The following TENM2 variants were observed in gnomAD, a reference collection of about 807,000 sequenced individuals.
The protein encoded by TENM2 is teneurin-2.
In TENM2, 52 loss-of-function variants were observed where a neutral mutation model predicts 245.2. That is an observed-to-expected ratio of 0.21 (90% CI 0.17 to 0.27). The LOEUF (loss-of-function observed/expected upper bound fraction) is 0.27. Ranked by LOEUF, TENM2 falls within the 10% of genes least tolerant of loss-of-function variation. The pLI, the probability that TENM2 is intolerant of heterozygous loss-of-function variation, is 1.00. For synonymous variants in TENM2, 1,363 were observed against 1,438.9 expected, an observed-to-expected ratio of 0.95 and a Z score of 1.19; for missense variants, 3,046 against 3,666.8, an observed-to-expected ratio of 0.83 and a Z score of 4.37.
the TENM2 span, among the ~76,000 whole-genome samples, chr5:167,274,924 G>A: frequency 6.6e-6 from 1 of 151,862 alleles, no homozygotes; most frequent in Non-Finnish European, 1.5e-5. Flanking sequence ...CAGATATATG[G>A]TTTGTACATA....
intron 2 of TENM2, among the ~76,000 whole-genome samples, chr5:167,735,509 G>T (rs1295101816): frequency 6.6e-6 from 1 of 152,168 alleles, no homozygotes; most frequent in African/African-American, 2.4e-5. Context: ...CTGGACTTGT[G>T]AAAACTATTG....
At chr5:167,258,824 C>G in the TENM2 span, among the ~76,000 whole-genome samples, 98,193 of 152,040 alleles carry the variant, frequency 0.65, 33,618 homozygotes, top group Middle Eastern at 0.85. Context: ...CTTTGTTCCT[C>G]TATTTTAATA....
At chr5:167,534,263 A>G (rs1047936588) in intron 2 of TENM2, among the ~76,000 whole-genome samples, 5 of 152,208 alleles carry the variant, frequency 3.3e-5, no homozygotes, top group African/African-American at 1.2e-4. Flanking sequence ...AGGAAAAAAT[A>G]AAATAGGCGT....
In TENM2 at chr5:167,762,872, A is replaced by G. The variant is rs184621599; in HGVS notation, c.503-113114A>G. On this transcript the variant is annotated intron_variant, in intron 2 of 28. Transcript: ENST00000518659. ...AGTCCTCTACATCTTCCGCTCCAAA[A>G]GCTGCTGTCTTTGGGGCTACAGAAC... Among the ~76,000 whole-genome samples the G allele has an allele frequency of 2.8e-4, 43 of 152,342 alleles. 1 individual carries two copies. Among genetic ancestry groups the G allele is most frequent in the Admixed American group, 2.8e-3 (43 of 15,300 alleles).
At chr5:168,036,699 ATGTATGTG>A (rs1273404845) in intron 5 of TENM2, among the ~76,000 whole-genome samples, 43 of 95,096 alleles carry the variant, frequency 4.5e-4, no homozygotes, top group African/African-American at 2.1e-3. Flanking sequence ...ATATATATAT[ATGTATGTG>A]TATATATATG....
the TENM2 span, among the ~76,000 whole-genome samples, chr5:167,070,802 G>A: frequency 6.6e-6 from 1 of 152,210 alleles, no homozygotes; most frequent in South Asian, 2.1e-4. Context: ...TGTGTTCACT[G>A]ACGATGCTTG....
intron 25 of TENM2, among the ~76,000 whole-genome samples, chr5:168,243,622 A>T (rs1182444853): frequency 6.6e-6 from 1 of 152,214 alleles, no homozygotes; most frequent in Non-Finnish European, 1.5e-5. Context: ...TTAGCTTCTC[A>T]GCTAATGATG....
chr5:167,735,612 C>T (rs1349183983), intron 2 of TENM2, among the ~76,000 whole-genome samples: 1 of 152,096 alleles, frequency 6.6e-6, no homozygotes, highest in Non-Finnish European at 1.5e-5. Context: ...TCAAGACCAG[C>T]CTGGGCAACA....
At chr5:167,657,317 C>A (rs1554096610) in intron 2 of TENM2, among the ~76,000 whole-genome samples, 1 of 152,160 alleles carries the variant, frequency 6.6e-6, no homozygotes, top group Non-Finnish European at 1.5e-5. Flanking sequence ...GGATTTCATT[C>A]TTTTTTTGAG....
intron 13 of TENM2, among the ~76,000 whole-genome samples, chr5:168,188,711 T>C (rs1760692244): frequency 6.6e-6 from 1 of 152,222 alleles, no homozygotes; most frequent in Admixed American, 6.5e-5. Context: ...ACAATGGTTT[T>C]TAAATCGTAT....
chr5:167,439,866 A>T (rs571745528), intron 2 of TENM2, among the ~76,000 whole-genome samples: 1 of 152,244 alleles, frequency 6.6e-6, no homozygotes, highest in Non-Finnish European at 1.5e-5. Context: ...GAATAAAATT[A>T]TAAATCACTA....
intron 7 of TENM2, among the ~76,000 whole-genome samples, chr5:168,087,913 G>A (rs533478837): frequency 3.3e-5 from 5 of 152,114 alleles, no homozygotes; most frequent in East Asian, 1.9e-4. Flanking sequence ...CTGGCTAGCC[G>A]ATTCTTCCTT....
intron 2 of TENM2, among the ~76,000 whole-genome samples, chr5:167,405,630 C>A (rs1385765057): frequency 6.6e-6 from 1 of 151,848 alleles, no homozygotes; most frequent in Admixed American, 6.6e-5. Context: ...TGACAGTGTG[C>A]TCTGCAAAAG....
rs896882001 is a variant in TENM2, at chr5:167,922,112, T to C, written c.713-30476T>C. ...TTGTACATAAGGAGAAAAGGAAAACTGGCAAAATGGTCTTTTAGGTTCTAC... is the reference window on the plus strand; with the variant it reads ...TTGTACATAAGGAGAAAAGGAAAACCGGCAAAATGGTCTTTTAGGTTCTAC... On this transcript the variant is annotated intron_variant, in intron 3 of 28. Coordinates refer to ENST00000518659, the Ensembl canonical transcript of TENM2. 2.6e-5 allele frequency among the ~76,000 whole-genome samples: 4 copies of C among 152,186 alleles called. No individual in the cohort carries two copies. In the South Asian group the frequency reaches 6.2e-4, roughly 24 times the overall value.
chr5:168,003,119 C>G (rs774824899), intron 5 of TENM2, among the ~76,000 whole-genome samples: 23 of 152,120 alleles, frequency 1.5e-4, no homozygotes, highest in South Asian at 8.3e-4. Context: ...TACTAAAAAG[C>G]TTTTTATTAC....
chr5:167,587,355 G>A (rs1775578986), intron 2 of TENM2, among the ~76,000 whole-genome samples: 1 of 152,168 alleles, frequency 6.6e-6, no homozygotes, highest in Non-Finnish European at 1.5e-5. Flanking sequence ...AAGGTAGTAT[G>A]TCCGCTTGTT....
At chr5:168,155,543 C>T (rs969927362) in intron 12 of TENM2, among the ~76,000 whole-genome samples, 5 of 152,086 alleles carry the variant, frequency 3.3e-5, no homozygotes, top group Admixed American at 1.3e-4. Flanking sequence ...TCACTCAGCC[C>T]GTCCAATGTG....
intron 15 of TENM2, 131 bp downstream of exon 17, chr5:168,195,426 T>A: frequency 1.9e-6 from 2 of 1,052,662 alleles, no homozygotes; most frequent in Non-Finnish European, 2.7e-6. Flanking sequence ...TGTCCCCTAG[T>A]GAGGATTCCC....
the TENM2 span, among the ~76,000 whole-genome samples, chr5:167,122,690 C>T: frequency 1.3e-5 from 2 of 152,108 alleles, no homozygotes; most frequent in Non-Finnish European, 1.5e-5. Context: ...AGGTCAGCAT[C>T]GTAGCTAATT....
Sources: gnomAD v4.1 joint callset for allele counts (sites outside exome capture counted in the v4.1 genomes callset) on GRCh38, gnomAD v4.1.1 for gene constraint, MANE v1.5 for transcripts, NCBI Gene and HGNC (gene_info 2026-07-23, HGNC 2026-07-21) for gene names.